Variants in FAM114A1 observed in about 807,000 individuals in gnomAD.
FAM114A1 encodes protein NOXP20.
Under a neutral mutation model 64.3 loss-of-function variants are expected in FAM114A1, and 62 were observed. The ratio of observed to expected loss-of-function variants is 0.96; its 90% confidence interval spans 0.79 to 1.19. The LOEUF is 1.19. FAM114A1 is among the 50% of genes most tolerant of loss of function. The pLI, the probability that FAM114A1 is intolerant of heterozygous loss-of-function variation, is 0.00. For missense variants in FAM114A1, 645 were observed against 676.3 expected, an observed-to-expected ratio of 0.95 and a Z score of 0.51; for synonymous variants, 254 against 251.1, an observed-to-expected ratio of 1.01 and a Z score of -0.11.
At chr4:38,877,440 A>G (rs1430285129) in intron 2 of FAM114A1, among the ~76,000 whole-genome samples, 2 of 152,080 alleles carry the variant, frequency 1.3e-5, no homozygotes, top group Non-Finnish European at 2.9e-5. Context: ...GCAGTTCACA[A>G]TAGGGTTCAT....
At chr4:38,871,572 A>G (rs1714085165) in intron 2 of FAM114A1, among the ~76,000 whole-genome samples, 1 of 152,074 alleles carries the variant, frequency 6.6e-6, no homozygotes, top group African/African-American at 2.4e-5. Context: ...TTTCTGGGGT[A>G]TTTCTGAAGG....
chr4:38,939,560 A>C (rs1721418762), intron 13 of FAM114A1, among the ~76,000 whole-genome samples: 1 of 152,170 alleles, frequency 6.6e-6, no homozygotes, highest in South Asian at 2.1e-4. Context: ...TACTTACTAA[A>C]ATGACTGGGT....
chr4:38,875,088 A>T (rs1714480479), intron 2 of FAM114A1, among the ~76,000 whole-genome samples: 1 of 152,106 alleles, frequency 6.6e-6, no homozygotes, highest in Admixed American at 6.5e-5. Context: ...CTTGTAGTAT[A>T]GTTTGAAGTT....
intron 8 of FAM114A1, among the ~76,000 whole-genome samples, chr4:38,918,067 A>T (rs1361841874): frequency 6.6e-6 from 1 of 151,698 alleles, no homozygotes; most frequent in Non-Finnish European, 1.5e-5. Flanking sequence ...AAAAAAAAAA[A>T]TACAAAATTA....
chr4:38,922,987 C>CA, intron 9 of FAM114A1, 94 bp downstream of exon 9: 12 of 1,364,106 alleles, frequency 8.8e-6, no homozygotes, highest in Non-Finnish European at 1.2e-5. Flanking sequence ...TTACTTAATT[C>CA]AAGTGCTCCT....
intron 3 of FAM114A1, among the ~76,000 whole-genome samples, chr4:38,880,068 AAAAAATAAAT>A (rs1312129310): frequency 7.1e-6 from 1 of 140,726 alleles, no homozygotes; most frequent in Non-Finnish European, 1.5e-5. Flanking sequence ...CTCTGTCTCA[AAAAAATAAAT>A]AAAATAAAAT....
intron 3 of FAM114A1, among the ~76,000 whole-genome samples, chr4:38,884,688 A>C (rs2109576814): frequency 6.6e-6 from 1 of 152,354 alleles, no homozygotes; most frequent in Admixed American, 6.5e-5. Context: ...AAAATGGTGT[A>C]TGAGAACTCT....
intron 12 of FAM114A1, 94 bp downstream of exon 12, chr4:38,932,468 T>A: frequency 1.6e-6 from 2 of 1,251,552 alleles, no homozygotes; most frequent in Non-Finnish European, 2.2e-6. Flanking sequence ...TCTAAGCCAC[T>A]AGAAGATTCA....
intron 2 of FAM114A1, among the ~76,000 whole-genome samples, chr4:38,876,741 C>A (rs1037966702): frequency 3.9e-5 from 6 of 152,208 alleles, no homozygotes; most frequent in Admixed American, 3.9e-4. Flanking sequence ...TGTCCATGGG[C>A]TAAAGTCAAG....
chr4:38,904,746 A>T (rs567243022), intron 4 of FAM114A1, among the ~76,000 whole-genome samples: 25 of 152,344 alleles, frequency 1.6e-4, no homozygotes, highest in African/African-American at 5.5e-4. Context: ...TTAATTGATC[A>T]TCTGCAATGT....
chr4:38,904,521 C>T (rs898187642), intron 4 of FAM114A1, among the ~76,000 whole-genome samples: 1 of 152,178 alleles, frequency 6.6e-6, no homozygotes, highest in Admixed American at 6.5e-5. Flanking sequence ...TGGAGTAAAA[C>T]CTGTGCTCTT....
chr4:38,905,849 G>A lies in FAM114A1; in HGVS notation c.645G>A (p.Val215=). The A allele has an allele frequency of 6.2e-7, 1 of 1,611,506 alleles. No homozygotes were observed. Among genetic ancestry groups the A allele is most frequent in the Non-Finnish European group, 8.5e-7 (1 of 1,179,402 alleles). Residue 215 remains valine (V), a synonymous_variant, in exon 6 of 15, where the codon GTG becomes GTA. Transcript: ENST00000358869. ...SRGMLSAITN[V]VQNTGKSVLT... ...GTATGCTGTCTGCCATCACCAATGT[G>A]GTTCAAAACACAGTGAGTCGCTGGC...
chr4:38,885,362 A>G (rs1269556318), intron 3 of FAM114A1, among the ~76,000 whole-genome samples: 1 of 152,032 alleles, frequency 6.6e-6, no homozygotes, highest in Non-Finnish European at 1.5e-5. Context: ...TGCAGTCTTG[A>G]ACTCTTGCAT....
intron 8 of FAM114A1, among the ~76,000 whole-genome samples, chr4:38,920,310 C>G (rs1283472332): frequency 6.6e-6 from 1 of 152,132 alleles, no homozygotes; most frequent in African/African-American, 2.4e-5. Flanking sequence ...CACCTCCTTT[C>G]AAGGAAAAGA....
chr4:38,891,155 C>G (rs1189116187), intron 3 of FAM114A1, among the ~76,000 whole-genome samples: 7 of 152,186 alleles, frequency 4.6e-5, no homozygotes, highest in Admixed American at 3.9e-4. Flanking sequence ...ACAGTCTTAT[C>G]CCTGTGTTAT....
At chr4:38,909,953 C>T (rs1156424797) in intron 7 of FAM114A1, among the ~76,000 whole-genome samples, 1 of 152,160 alleles carries the variant, frequency 6.6e-6, no homozygotes, top group African/African-American at 2.4e-5. Flanking sequence ...AAATAGATGG[C>T]TGGGCACAGT....
At chr4:38,928,098 T>C (rs1043557758) in intron 9 of FAM114A1, among the ~76,000 whole-genome samples, 13 of 152,228 alleles carry the variant, frequency 8.5e-5, no homozygotes, top group Non-Finnish European at 1.6e-4. Flanking sequence ...TATGCCAGGC[T>C]ATCTTCGTGG....
chr4:38,908,717 C>T lies in FAM114A1; in HGVS notation c.783C>T (p.Ser261=), dbSNP rs775558994. Residue 261 remains serine, a synonymous_variant, in exon 7 of 15, where the codon TCC becomes TCT. Coordinates refer to ENST00000358869, the MANE Select transcript of FAM114A1 (RefSeq NM_138389.4). ...AGACGCTCATGGAGAGAACTGTTTCCTTGTCTCAGGTTGGATTATATACGT... is the reference window on the plus strand; with the variant it reads ...AGACGCTCATGGAGAGAACTGTTTCTTTGTCTCAGGTTGGATTATATACGT... ...RTKTLMERTV[S]LSQMLREAKE... is the part of the protein sequence containing the mutation. The T allele has an allele frequency of 6.2e-7, 1 of 1,601,048 alleles. No homozygotes were observed. The highest frequency in any genetic ancestry group is 8.5e-7 in the Non-Finnish European group (1 of 1,170,518).
rs141666245 is a variant in FAM114A1, at chr4:38,905,255, C to T, written c.437-267C>T. Among the ~76,000 whole-genome samples the T allele has an allele frequency of 3.1e-3, 471 of 152,124 alleles. 4 individuals carry two copies. In the East Asian group the frequency reaches 0.043, roughly 14 times the overall value. ...CTCCACTAAAGGCACAAAAATTAGC[C>T]GGGCGTGGTGGTGTGCATCTGTAAT... On this transcript the variant is annotated intron_variant, in intron 4 of 14. Transcript: ENST00000358869.
Sources: allele counts gnomAD v4.1 joint callset (sites outside exome capture counted in the v4.1 genomes callset), GRCh38; gene constraint gnomAD v4.1.1; transcripts MANE v1.5; gene names NCBI Gene and HGNC (gene_info 2026-07-23, HGNC 2026-07-21).